Variants in TENM3 observed in about 807,000 individuals in gnomAD.
The protein encoded by TENM3 is teneurin-3.
TENM3 carries 63 observed loss-of-function variants against 255.1 expected under a neutral mutation model. The ratio of observed to expected loss-of-function variants is 0.25; its 90% CI spans 0.20 to 0.30. The LOEUF is 0.30. Ranked by LOEUF, TENM3 falls within the 10% of genes least tolerant of loss-of-function variation. The pLI, the probability that TENM3 is intolerant of heterozygous loss-of-function variation, is 1.00. For missense variants in TENM3, 2,929 were observed against 3,461.1 expected (o/e 0.85, Z 3.86); for synonymous variants, 1,306 against 1,322.3 (o/e 0.99, Z 0.27).
the TENM3 span, among the ~76,000 whole-genome samples, chr4:181,977,705 C>CAA: frequency 6.6e-6 from 1 of 152,060 alleles, no homozygotes; most frequent in Non-Finnish European, 1.5e-5. Context: ...AATCAGGGCA[C>CAA]CTGGGGTGGG....
intron 1 of TENM3, among the ~76,000 whole-genome samples, chr4:182,229,298 A>C (rs1259408317): frequency 6.6e-6 from 1 of 152,184 alleles, no homozygotes; most frequent in African/African-American, 2.4e-5. Context: ...GGTTGTTTGT[A>C]ATAACTTTGC....
At chr4:182,267,222 G>A (rs1759299461) in intron 1 of TENM3, among the ~76,000 whole-genome samples, 2 of 152,116 alleles carry the variant, frequency 1.3e-5, no homozygotes, top group Non-Finnish European at 1.5e-5. Context: ...TTTAACAGTT[G>A]AGTGTATGCC....
At chr4:182,234,666 A>G (rs923637607) in intron 1 of TENM3, among the ~76,000 whole-genome samples, 1 of 152,126 alleles carries the variant, frequency 6.6e-6, no homozygotes, top group Non-Finnish European at 1.5e-5. Flanking sequence ...TAGGAGGCGG[A>G]GGTTGCAGTG....
chr4:182,415,608 C>T (rs948844318), intron 3 of TENM3, among the ~76,000 whole-genome samples: 2 of 152,066 alleles, frequency 1.3e-5, no homozygotes, highest in African/African-American at 4.8e-5. Flanking sequence ...GTAAAGTAAG[C>T]TTTATTAGCT....
chr4:182,252,420 G>T (rs185085354), intron 1 of TENM3, among the ~76,000 whole-genome samples: 1 of 152,202 alleles, frequency 6.6e-6, no homozygotes, highest in East Asian at 1.9e-4. Flanking sequence ...TTTAAATAAC[G>T]ATGTGATTTA....
chr4:182,069,817 A>C, the TENM3 span, among the ~76,000 whole-genome samples: 55,706 of 151,822 alleles, frequency 0.37, 12,262 homozygotes, highest in East Asian at 0.58. Context: ...AATTCCAGAC[A>C]CTAAGGCTAC....
the TENM3 span, among the ~76,000 whole-genome samples, chr4:181,957,112 G>A: frequency 2.0e-5 from 3 of 152,246 alleles, no homozygotes; most frequent in Admixed American, 6.5e-5. Flanking sequence ...GGCAGGATTC[G>A]ATGTCAATGC....
the TENM3 span, among the ~76,000 whole-genome samples, chr4:181,655,502 T>C: frequency 3.3e-5 from 5 of 152,176 alleles, no homozygotes; most frequent in Admixed American, 3.3e-4. Context: ...AGAGAGAGCA[T>C]GCCTGTTCAC....
intron 1 of TENM3, among the ~76,000 whole-genome samples, chr4:182,319,739 G>A (rs2726789): frequency 0.16 from 24,184 of 152,166 alleles, 2,127 homozygotes; most frequent in Middle Eastern, 0.24. Flanking sequence ...GTTAAAGAAC[G>A]TACTGATTAT....
At chr4:182,286,774 G>A (rs1048803702) in intron 1 of TENM3, among the ~76,000 whole-genome samples, 1 of 152,040 alleles carries the variant, frequency 6.6e-6, no homozygotes, top group African/African-American at 2.4e-5. Context: ...GACTATTACC[G>A]AAGACTCTGA....
At chr4:182,107,178 ACACACACACT>A in the TENM3 span, among the ~76,000 whole-genome samples, 2 of 149,678 alleles carry the variant, frequency 1.3e-5, no homozygotes, top group East Asian at 3.9e-4. Flanking sequence ...ACACACACAC[ACACACACACT>A]ACACAGAGTG....
chr4:181,669,328 G>T, the TENM3 span, among the ~76,000 whole-genome samples: 1 of 152,076 alleles, frequency 6.6e-6, no homozygotes, highest in African/African-American at 2.4e-5. Flanking sequence ...TTCCCAGAGA[G>T]GTTATGTAAC....
At chr4:181,452,683 A>G in the TENM3 span, among the ~76,000 whole-genome samples, 4 of 152,226 alleles carry the variant, frequency 2.6e-5, no homozygotes, top group Non-Finnish European at 4.4e-5. Flanking sequence ...ACATGAGAAC[A>G]GACTAATACA....
intron 3 of TENM3, among the ~76,000 whole-genome samples, chr4:182,420,137 G>A (rs915174970): frequency 6.6e-6 from 1 of 151,912 alleles, no homozygotes; most frequent in African/African-American, 2.4e-5. Flanking sequence ...GAGTAAGTCT[G>A]CCTGATTGTT....
intron 1 of TENM3, among the ~76,000 whole-genome samples, chr4:182,281,223 G>A (rs567459807): frequency 6.6e-6 from 1 of 152,180 alleles, no homozygotes. Context: ...AGCCTTGGTA[G>A]AATTTCCTGC....
chr4:182,633,601 C>G (rs552980738), intron 5 of TENM3, among the ~76,000 whole-genome samples: 2 of 152,204 alleles, frequency 1.3e-5, no homozygotes, highest in African/African-American at 2.4e-5. Context: ...AGGAGAAATG[C>G]GAAATATCTG....
chr4:182,234,021 T>C (rs1337490054), intron 1 of TENM3, among the ~76,000 whole-genome samples: 2 of 152,226 alleles, frequency 1.3e-5, no homozygotes, highest in Admixed American at 6.5e-5. Flanking sequence ...GAGTGGTTGA[T>C]TCCTTTATCG....
chr4:182,009,429 T>G, the TENM3 span, among the ~76,000 whole-genome samples: 1 of 151,878 alleles, frequency 6.6e-6, no homozygotes, highest in Admixed American at 6.6e-5. Flanking sequence ...TGGCTGGAGT[T>G]ATTGGAGAGC....
At chr4:182,141,037 A>C (rs1304140715), upstream of TENM3, 1 of 127,610 alleles carries the variant, frequency 7.8e-6, no homozygotes, top group Non-Finnish European at 1.6e-5. Context: ...GGCCCCAGGC[A>C]TGCATTCCTA....
Sources: gnomAD v4.1 joint callset for allele counts (sites outside exome capture counted in the v4.1 genomes callset) on GRCh38, gnomAD v4.1.1 for gene constraint, MANE v1.5 for transcripts, NCBI Gene and HGNC (gene_info 2026-07-23, HGNC 2026-07-21) for gene names.